The following STK32A variants were observed in gnomAD, a reference collection of about 807,000 sequenced individuals.
The protein encoded by STK32A is serine/threonine-protein kinase 32A.
Under a neutral mutation model 53.2 loss-of-function variants are expected in STK32A, and 41 were observed. The ratio of observed to expected loss-of-function variants is 0.77; its 90% CI spans 0.60 to 1.00. The LOEUF (loss-of-function observed/expected upper bound fraction) is 1.00. Among genes scored for constraint, STK32A ranks in the 50% least tolerant of loss-of-function variants. The pLI is 0.00. For synonymous variants in STK32A, 166 were observed against 162.8 expected (o/e 1.02, Z -0.15); for missense variants, 458 against 485.8 (o/e 0.94, Z 0.54).
chr5:147,317,738 TG>T (rs1754078163), intron 4 of STK32A, among the ~76,000 whole-genome samples: 2 of 152,222 alleles, frequency 1.3e-5, no homozygotes, highest in Admixed American at 1.3e-4. Flanking sequence ...GGGCGGGCTT[TG>T]TTTGAATCCA....
intron 4 of STK32A, among the ~76,000 whole-genome samples, chr5:147,291,719 A>G (rs1369465048): frequency 6.6e-6 from 1 of 152,194 alleles, no homozygotes; most frequent in African/African-American, 2.4e-5. Context: ...AATAAAAACT[A>G]GAAAACAATG....
At chr5:147,401,050 C>T in the STK32A span, among the ~76,000 whole-genome samples, 1 of 152,184 alleles carries the variant, frequency 6.6e-6, no homozygotes, top group East Asian at 1.9e-4. Flanking sequence ...ATTAGCTCAT[C>T]TCTTTTGTAG....
intron 5 of STK32A, 38 bp from the exon 6 acceptor site, chr5:147,342,968 A>G (rs1755503534): frequency 6.2e-7 from 1 of 1,610,576 alleles, no homozygotes; most frequent in Non-Finnish European, 8.5e-7. Flanking sequence ...TGTTCGTTTT[A>G]TTGTGAGCAA....
rs892282718 is a variant in STK32A, at chr5:147,307,232, G to GT, written c.261-16656dup. On this transcript the variant is annotated intron_variant, in intron 4 of 12. Coordinates refer to ENST00000397936, the MANE Select transcript of STK32A (RefSeq NM_001112724.2). ...GACCTTCTTTTTCACTGCAATAATG[G>GT]TTTTTTTTTTAACAATAAAAAATGT... 5.1e-3 allele frequency among the ~76,000 whole-genome samples: 759 copies of GT among 148,248 alleles called. 8 individuals carry two copies. Among genetic ancestry groups the GT allele is most frequent in the African/African-American group, 0.016 (654 of 40,528 alleles).
At chr5:147,392,113 C>G (rs1017804581), downstream of STK32A, 1 of 152,206 alleles carries the variant, frequency 6.6e-6, no homozygotes, top group African/African-American at 2.4e-5. Flanking sequence ...TGCTTCAGAT[C>G]TGGCAAACTC....
At chr5:147,319,707 A>G (rs768998961) in intron 4 of STK32A, among the ~76,000 whole-genome samples, 5 of 152,164 alleles carry the variant, frequency 3.3e-5, no homozygotes, top group Non-Finnish European at 5.9e-5. Context: ...CCTCCTTGCT[A>G]TTCTTCAGGG....
chr5:147,352,700 A>G (rs568104270), intron 7 of STK32A, among the ~76,000 whole-genome samples: 3 of 152,346 alleles, frequency 2.0e-5, no homozygotes, highest in African/African-American at 7.2e-5. Context: ...TTGATTAGAT[A>G]TCTGTGTAGT....
intron 4 of STK32A, among the ~76,000 whole-genome samples, chr5:147,282,961 A>G (rs1283861020): frequency 6.6e-6 from 1 of 152,230 alleles, no homozygotes; most frequent in East Asian, 1.9e-4. Flanking sequence ...AGATATATAC[A>G]GAACATTTCA....
At position 147,365,412 on chromosome 5, in the gene STK32A, T is replaced by C. The variant is rs10515582; in HGVS notation, c.660+3798T>C. 0.013 allele frequency among the ~76,000 whole-genome samples: 2,003 copies of C among 152,274 alleles called. 141 individuals are homozygous for C. In the East Asian group the frequency reaches 0.2, roughly 15 times the overall value. On this transcript the variant is annotated intron_variant, in intron 8 of 12. Coordinates refer to ENST00000397936, the MANE Select transcript of STK32A (RefSeq NM_001112724.2). ...TTCAAATTTGGATAAGTTAGTCAAA[T>C]TGATGTGAAAGGACCACCCTTGTAA...
chr5:147,368,471 A>G (rs753188763), intron 8 of STK32A, among the ~76,000 whole-genome samples: 1 of 151,996 alleles, frequency 6.6e-6, no homozygotes, highest in Non-Finnish European at 1.5e-5. Flanking sequence ...GTGTGTATAC[A>G]GTCTATATAA....
chr5:147,352,444 T>G (rs1011491537), intron 7 of STK32A, among the ~76,000 whole-genome samples: 8 of 152,194 alleles, frequency 5.3e-5, no homozygotes, highest in Non-Finnish European at 1.2e-4. Flanking sequence ...TAAGTTCACC[T>G]GTTGGGAGCA....
intron 2 of STK32A, among the ~76,000 whole-genome samples, chr5:147,251,942 C>A (rs1163500545): frequency 1.3e-5 from 2 of 152,174 alleles, no homozygotes; most frequent in African/African-American, 4.8e-5. Context: ...GTGGATCACA[C>A]CTCTAATCCC....
intron 7 of STK32A, among the ~76,000 whole-genome samples, chr5:147,358,731 G>A (rs1398878093): frequency 6.6e-6 from 1 of 152,056 alleles, no homozygotes; most frequent in Non-Finnish European, 1.5e-5. Context: ...AGAATACAAG[G>A]CATAGATTTT....
At position 147,243,088 on chromosome 5, in the gene STK32A, A is replaced by T. The variant is rs1698643372; in HGVS notation, c.52+3402A>T. On this transcript the variant is annotated intron_variant, in intron 2 of 12. Coordinates refer to ENST00000397936, the MANE Select transcript of STK32A (RefSeq NM_001112724.2). Reference sequence around the variant, plus strand: ...AAAAAATATTGCTGAAAAGAATCCCAATATGTGATTTTTAAAAAGTTTTTT... The same window carrying T: ...AAAAAATATTGCTGAAAAGAATCCCTATATGTGATTTTTAAAAAGTTTTTT... 1.6e-5 allele frequency among the ~76,000 whole-genome samples: 2 copies of T among 124,480 alleles called. 1 individual carries two copies. Among genetic ancestry groups the T allele is most frequent in the Admixed American group, 1.7e-4 (2 of 11,828 alleles). The allele number at this position is 124,480 out of a possible 152,430, so 81.7% of individuals were successfully genotyped here.
chr5:147,362,878 T>C (rs548135379), intron 8 of STK32A, among the ~76,000 whole-genome samples: 1 of 151,296 alleles, frequency 6.6e-6, no homozygotes, highest in East Asian at 2.0e-4. Context: ...AGCCCAGGAG[T>C]GTGAGACCAG....
intron 2 of STK32A, among the ~76,000 whole-genome samples, chr5:147,261,423 A>G (rs1187120166): frequency 1.3e-5 from 2 of 152,136 alleles, no homozygotes; most frequent in African/African-American, 4.8e-5. Flanking sequence ...GACCGCACAA[A>G]CTAAACTAAT....
At chr5:147,235,621 G>A (rs1214309982) in intron 1 of STK32A, among the ~76,000 whole-genome samples, 1 of 152,220 alleles carries the variant, frequency 6.6e-6, no homozygotes, top group Admixed American at 6.5e-5. Flanking sequence ...GAGCTGTAGG[G>A]ATCAGCATGC....
chr5:147,359,551 T>A (rs1756400267), intron 7 of STK32A, among the ~76,000 whole-genome samples: 1 of 152,202 alleles, frequency 6.6e-6, no homozygotes, highest in South Asian at 2.1e-4. Context: ...CTTAGCACAG[T>A]GGCTCTGATT....
At chr5:147,316,923 G>A (rs1000610757) in intron 4 of STK32A, among the ~76,000 whole-genome samples, 17 of 149,372 alleles carry the variant, frequency 1.1e-4, no homozygotes, top group African/African-American at 3.9e-4. Flanking sequence ...ACTGTGCCTC[G>A]GAGTAACTAA....
Sources: gnomAD v4.1 joint callset for allele counts (sites outside exome capture counted in the v4.1 genomes callset) on GRCh38, gnomAD v4.1.1 for gene constraint, MANE v1.5 for transcripts, NCBI Gene and HGNC (gene_info 2026-07-23, HGNC 2026-07-21) for gene names.